RICTOR: variants seen among roughly 807,000 people sequenced by gnomAD.
The protein encoded by RICTOR is rapamycin-insensitive companion of mTOR.
Under a neutral mutation model 214.9 loss-of-function variants are expected in RICTOR, and 49 were observed. The observed-to-expected ratio is 0.23, with a 90% CI of 0.18 to 0.29. The LOEUF is 0.29. RICTOR is among the 10% of genes least tolerant of loss of function. The pLI, the probability that RICTOR is intolerant of heterozygous loss-of-function variation, is 1.00. For synonymous variants in RICTOR, 717 were observed against 711.3 expected (o/e 1.01, Z -0.13); for missense variants, 1,625 against 2,047.0 (o/e 0.79, Z 3.98).
intron 31 of RICTOR, chr5:38,949,436 A>G: frequency 1.3e-6 from 2 of 1,580,534 alleles, no homozygotes; most frequent in Non-Finnish European, 1.7e-6. Flanking sequence ...TCCTTGCAGA[A>G]GCGAGAAATA....
chr5:39,051,486 C>T (rs537573872), intron 2 of RICTOR, among the ~76,000 whole-genome samples: 81 of 152,298 alleles, frequency 5.3e-4, no homozygotes, highest in Middle Eastern at 3.4e-3. Context: ...CGGTGGCTCA[C>T]GCCTATAATC....
intron 2 of RICTOR, among the ~76,000 whole-genome samples, chr5:39,033,944 T>A (rs933826663): frequency 8.5e-5 from 13 of 152,354 alleles, no homozygotes; most frequent in African/African-American, 2.9e-4. Flanking sequence ...TTCTGAATTA[T>A]AAACTTACTT....
Position 38,957,672 on chromosome 5 carries a change from G to T in RICTOR, c.2479C>A (p.Gln827Lys). The change falls in exon 25 of 38, where the codon CAA becomes AAA. Residue 827 changes from glutamine (Q) to lysine (K), a missense_variant. Physicochemically the swap from Gln to Lys is moderately conservative, Grantham distance 53. Transcript: ENST00000357387. Reference sequence around the variant, plus strand: ...GTTACCCTGTGCCACTTTTCCAATTGTTTTGCTACATAACCTCTTTCATTC... The same window carrying T: ...GTTACCCTGTGCCACTTTTCCAATTTTTTTGCTACATAACCTCTTTCATTC... The part of the protein sequence containing the change: ...YLNERGYVAK[Q>K]LEKWHREYNS... 1 of 1,578,818 alleles carries T rather than the reference G, an allele frequency of 6.3e-7. No homozygotes were observed. The highest frequency in any genetic ancestry group is 1.4e-5 in the African/African-American group (1 of 73,668).
chr5:39,074,228 G>C (rs1339955114), intron 1 of RICTOR, 70 bp from the exon 2 acceptor site: 30 of 1,577,194 alleles, frequency 1.9e-5, no homozygotes, highest in Non-Finnish European at 2.6e-5. Flanking sequence ...CCTGGCTCCG[G>C]CCAGCGCCCC....
chr5:39,037,231 G>A lies in RICTOR; in HGVS notation c.98-16095C>T, dbSNP rs866105304. ...CCTGAATGACTACTGGGTACATAAC[G>A]AAATGAAGGCAGAAATAAAGACGTT... On this transcript the variant is annotated intron_variant, in intron 2 of 37. Transcript: ENST00000357387. Among the ~76,000 whole-genome samples, 273 of 152,162 alleles carry A rather than the reference G, an allele frequency of 1.8e-3. 2 individuals carry two copies. Among genetic ancestry groups the A allele is most frequent in the African/African-American group, 6.3e-3 (260 of 41,510 alleles).
intron 2 of RICTOR, among the ~76,000 whole-genome samples, chr5:39,027,996 A>G (rs923392692): frequency 6.6e-6 from 1 of 151,926 alleles, no homozygotes; most frequent in Admixed American, 6.6e-5. Context: ...ATTTAAATAG[A>G]TGTGAAAGCA....
chr5:39,071,960 A>G (rs1035225817), intron 2 of RICTOR, among the ~76,000 whole-genome samples: 1 of 152,206 alleles, frequency 6.6e-6, no homozygotes, highest in African/African-American at 2.4e-5. Flanking sequence ...AATTATTACT[A>G]AACTTTAATT....
At chr5:39,051,565 T>C (rs896241910) in intron 2 of RICTOR, among the ~76,000 whole-genome samples, 4 of 152,086 alleles carry the variant, frequency 2.6e-5, no homozygotes, top group Admixed American at 2.6e-4. Flanking sequence ...CTGGCCAACA[T>C]GGCGAAACCC....
chr5:38,960,597 A>T, intron 19 of RICTOR, 64 bp from the exon 20 acceptor site: 1 of 1,510,088 alleles, frequency 6.6e-7, no homozygotes, highest in Non-Finnish European at 9.2e-7. Context: ...AATCTTAACC[A>T]TTACTTATGA....
rs138884576 is a variant in RICTOR, at chr5:39,032,260, T to C, written c.98-11124A>G. Among the ~76,000 whole-genome samples, 4 of 152,326 alleles carry C rather than the reference T, an allele frequency of 2.6e-5. No individual in the cohort carries two copies. The East Asian group carries it at 7.7e-4, about 29-fold the overall frequency. ...CATCTGGAATGCAGAGAACAAGTATTATCTTCCGTTTACATACTTGAAATA... is the reference window on the plus strand; with the variant it reads ...CATCTGGAATGCAGAGAACAAGTATCATCTTCCGTTTACATACTTGAAATA... On this transcript the variant is annotated intron_variant, in intron 2 of 37. Coordinates refer to ENST00000357387, the MANE Select transcript of RICTOR (RefSeq NM_152756.5).
chr5:38,992,284 A>G (rs1486055319), intron 6 of RICTOR, among the ~76,000 whole-genome samples: 2 of 152,194 alleles, frequency 1.3e-5, no homozygotes, highest in African/African-American at 4.8e-5. Flanking sequence ...AAGGAGGTAT[A>G]GGAAGTATAG....
At chr5:38,996,561 C>T (rs1488308589) in intron 6 of RICTOR, among the ~76,000 whole-genome samples, 1 of 152,130 alleles carries the variant, frequency 6.6e-6, no homozygotes, top group Non-Finnish European at 1.5e-5. Context: ...TACATGTCTA[C>T]TGAAGGAAGA....
intron 29 of RICTOR, 68 bp downstream of exon 29, chr5:38,952,917 T>G (rs868637757): frequency 1.5e-5 from 13 of 893,800 alleles, no homozygotes; most frequent in Non-Finnish European, 2.0e-5. Flanking sequence ...CATAAAATAC[T>G]TTCCCCTAAC....
At chr5:38,974,856 A>T (rs1233568241) in intron 10 of RICTOR, among the ~76,000 whole-genome samples, 1 of 152,230 alleles carries the variant, frequency 6.6e-6, no homozygotes, top group African/African-American at 2.4e-5. Flanking sequence ...CTAGGTACAC[A>T]GAAATGTTTA....
intron 6 of RICTOR, among the ~76,000 whole-genome samples, chr5:38,995,543 G>A (rs1004752961): frequency 8.6e-5 from 13 of 151,858 alleles, no homozygotes; most frequent in Admixed American, 7.9e-4. Context: ...AAAACCACCT[G>A]TACCCCAAAA....
At chr5:39,012,375 G>A (rs1197863545) in intron 3 of RICTOR, among the ~76,000 whole-genome samples, 1 of 152,142 alleles carries the variant, frequency 6.6e-6, no homozygotes, top group Non-Finnish European at 1.5e-5. Context: ...CCCCAGCCCT[G>A]TGGAACTGTG....
At chr5:39,029,655 T>A (rs1265095616) in intron 2 of RICTOR, among the ~76,000 whole-genome samples, 2 of 152,194 alleles carry the variant, frequency 1.3e-5, no homozygotes, top group Non-Finnish European at 2.9e-5. Context: ...AAAAAAGAAC[T>A]GAATTCAAGT....
chr5:38,947,357 G>A lies in RICTOR; in HGVS notation c.4221C>T (p.Ser1407=), dbSNP rs767423921. ...PINQNTLQRS[S]SVRSMVSSAT... ...CACTGGACACCATGGACCGCACTGA[G>A]GAAGATCGTTGCAGGGTATTTTGAT... Residue 1407 remains serine, a synonymous_variant, in exon 32 of 38, where the codon TCC becomes TCT. Coordinates refer to ENST00000357387, the MANE Select transcript of RICTOR (RefSeq NM_152756.5). The A allele has an allele frequency of 1.9e-6, 3 of 1,611,800 alleles. No homozygotes were observed. The highest frequency in any genetic ancestry group is 2.7e-5 in the African/African-American group (2 of 74,778).
intron 2 of RICTOR, among the ~76,000 whole-genome samples, chr5:39,061,031 A>T (rs1758506241): frequency 6.6e-6 from 1 of 151,826 alleles, no homozygotes; most frequent in African/African-American, 2.4e-5. Flanking sequence ...TTTTTAACAC[A>T]CTCCCCAACA....
Sources: gnomAD v4.1 joint callset for allele counts (sites outside exome capture counted in the v4.1 genomes callset) on GRCh38, gnomAD v4.1.1 for gene constraint, MANE v1.5 for transcripts, NCBI Gene and HGNC (gene_info 2026-07-23, HGNC 2026-07-21) for gene names.